Variants in KCNK2 observed in about 807,000 individuals in gnomAD.
The protein encoded by KCNK2 is potassium two pore domain channel subfamily K member 2.
A neutral mutation model predicts 40.5 loss-of-function variants in KCNK2; 21 were observed. The observed-to-expected ratio is 0.52, with a 90% CI of 0.37 to 0.75. KCNK2 has a LOEUF of 0.75. KCNK2 is among the 30% of genes least tolerant of loss of function. The probability of loss-of-function intolerance (pLI) is 0.00; values close to 1 mark genes in which losing one functional copy is unlikely to be tolerated. For missense variants in KCNK2, 399 were observed against 531.6 expected (o/e 0.75, Z 2.45); for synonymous variants, 191 against 202.2 (o/e 0.94, Z 0.47).
At chr1:215,068,568 AAAAC>A (rs1212871782) in intron 1 of KCNK2, among the ~76,000 whole-genome samples, 5 of 152,250 alleles carry the variant, frequency 3.3e-5, no homozygotes, top group Non-Finnish European at 5.9e-5. Flanking sequence ...GGTAGATACA[AAAAC>A]AAACAAACAA....
intron 6 of KCNK2, among the ~76,000 whole-genome samples, chr1:215,226,578 G>A (rs1183715395): frequency 6.6e-6 from 1 of 152,056 alleles, no homozygotes; most frequent in Non-Finnish European, 1.5e-5. Flanking sequence ...ACCCACCTCG[G>A]CCTCCCAAAG....
At chr1:215,131,077 G>A (rs1661653857) in intron 3 of KCNK2, among the ~76,000 whole-genome samples, 1 of 150,698 alleles carries the variant, frequency 6.6e-6, no homozygotes, top group Admixed American at 6.6e-5. Flanking sequence ...AGCCAAGATG[G>A]TCTCGATCTC....
intron 1 of KCNK2, among the ~76,000 whole-genome samples, chr1:215,061,055 T>C (rs1253993195): frequency 1.3e-5 from 2 of 152,174 alleles, no homozygotes; most frequent in Non-Finnish European, 2.9e-5. Context: ...CATATAGATA[T>C]TATGATTTTT....
chr1:215,068,321 T>G (rs1658630316), intron 1 of KCNK2, among the ~76,000 whole-genome samples: 2 of 152,184 alleles, frequency 1.3e-5, no homozygotes, highest in African/African-American at 4.8e-5. Context: ...GCCAGAAATA[T>G]GCAGGTACAG....
chr1:215,184,947 G>C (rs1309310702), intron 5 of KCNK2, among the ~76,000 whole-genome samples: 1 of 152,108 alleles, frequency 6.6e-6, no homozygotes, highest in East Asian at 1.9e-4. Context: ...TGTGACCATT[G>C]TATAAACCAG....
chr1:215,061,908 A>G (rs923073151), intron 1 of KCNK2, among the ~76,000 whole-genome samples: 2 of 152,162 alleles, frequency 1.3e-5, no homozygotes, highest in Non-Finnish European at 2.9e-5. Flanking sequence ...AAGAAGGAAT[A>G]ATTAGTGGAT....
chr1:215,093,388 A>T (rs1659779207), intron 2 of KCNK2, among the ~76,000 whole-genome samples: 1 of 137,390 alleles, frequency 7.3e-6, no homozygotes, highest in African/African-American at 2.7e-5. Context: ...TATACATATA[A>T]TATACCTATA....
In KCNK2 at chr1:215,086,466, G is replaced by A; in HGVS notation, c.145G>A (p.Glu49Lys). Residue 49 changes from glutamate (E) to lysine (K), a missense_variant, in exon 2 of 7, where the codon GAG becomes AAG. Physicochemically the swap from Glu to Lys is moderately conservative, Grantham distance 56 (BLOSUM62 1). This residue lies in a region of KCNK2 where 279 missense variants were observed against 353.8 expected (regional missense o/e 0.79). Coordinates refer to ENST00000444842, the MANE Select transcript of KCNK2 (RefSeq NM_001017425.3). ...ACCCACAGTGCTTGCTTCCCGGGTGGAGAGTGACACGACCATTAATGTTAT... is the reference window on the plus strand; with the variant it reads ...ACCCACAGTGCTTGCTTCCCGGGTGAAGAGTGACACGACCATTAATGTTAT... ...TKPTVLASRV[E>K]SDTTINVMKW... 2 of 1,614,128 alleles carry A rather than the reference G, an allele frequency of 1.2e-6. No individual in the cohort carries two copies. Among genetic ancestry groups the A allele is most frequent in the South Asian group, 1.1e-5 (1 of 91,076 alleles).
At chr1:215,165,376 G>T (rs1400358431) in intron 3 of KCNK2, among the ~76,000 whole-genome samples, 1 of 151,998 alleles carries the variant, frequency 6.6e-6, no homozygotes, top group East Asian at 1.9e-4. Flanking sequence ...ATGCTATTTT[G>T]CCATTGTCCC....
intron 2 of KCNK2, among the ~76,000 whole-genome samples, chr1:215,105,405 T>A (rs142209370): frequency 1.8e-4 from 27 of 152,154 alleles, no homozygotes; most frequent in African/African-American, 6.0e-4. Flanking sequence ...TGTAACAGGG[T>A]TTCCTTCCTA....
chr1:215,039,042 G>C, intron 1 of KCNK2, among the ~76,000 whole-genome samples: 1 of 151,868 alleles, frequency 6.6e-6, no homozygotes, highest in East Asian at 1.9e-4. Flanking sequence ...TGACAATGTC[G>C]GTGAAATGAA....
At chr1:215,174,405 G>A (rs1663859729) in intron 5 of KCNK2, among the ~76,000 whole-genome samples, 1 of 152,192 alleles carries the variant, frequency 6.6e-6, no homozygotes, top group Admixed American at 6.5e-5. Flanking sequence ...CAAGTAGTGT[G>A]ATGCCTCCAG....
At chr1:215,125,425 G>T (rs1312636100) in intron 3 of KCNK2, among the ~76,000 whole-genome samples, 1 of 152,032 alleles carries the variant, frequency 6.6e-6, no homozygotes, top group Non-Finnish European at 1.5e-5. Flanking sequence ...ATCTTCTAAA[G>T]CGGCAGAATG....
At chr1:215,196,693 G>A (rs1379724092) in intron 6 of KCNK2, among the ~76,000 whole-genome samples, 1 of 152,092 alleles carries the variant, frequency 6.6e-6, no homozygotes, top group Non-Finnish European at 1.5e-5. Flanking sequence ...TGAGTGTGGT[G>A]TGTGTGGGGG....
chr1:215,070,613 A>C (rs548196377), intron 1 of KCNK2, among the ~76,000 whole-genome samples: 22 of 152,016 alleles, frequency 1.4e-4, no homozygotes, highest in South Asian at 4.2e-4. Context: ...AGACTTATTC[A>C]CTATCACGAG....
chr1:215,168,087 A>T (rs1663529046), intron 3 of KCNK2, among the ~76,000 whole-genome samples: 1 of 152,234 alleles, frequency 6.6e-6, no homozygotes. Flanking sequence ...GAAGACATTT[A>T]TGTGGCCAAA....
At chr1:215,064,265 T>C (rs1658459593) in intron 1 of KCNK2, among the ~76,000 whole-genome samples, 1 of 152,136 alleles carries the variant, frequency 6.6e-6, no homozygotes, top group Non-Finnish European at 1.5e-5. Context: ...AAGTGTGCAA[T>C]TTTTCATTTT....
rs549958570 is a variant in KCNK2 at position 215,162,895 on chromosome 1, C to T, written c.476-6304C>T. On this transcript the variant is annotated intron_variant, in intron 3 of 6. Transcript: ENST00000444842. ...GTTTGTTTTTTTTTTTTATTAGGAT[C>T]GTCTTGGCTATATGGGCTTCTTTTT... Among the ~76,000 whole-genome samples the T allele has an allele frequency of 3.4e-5, 5 of 148,650 alleles. No individual in the cohort carries two copies. In the South Asian group the frequency reaches 8.4e-4, roughly 25 times the overall value.
chr1:215,019,508 T>A (rs1158667563), intron 1 of KCNK2, among the ~76,000 whole-genome samples: 1 of 152,240 alleles, frequency 6.6e-6, no homozygotes, highest in Non-Finnish European at 1.5e-5. Flanking sequence ...AGTTGCCGCA[T>A]CTGTTCCGAC....
Sources: gnomAD v4.1 joint callset for allele counts (sites outside exome capture counted in the v4.1 genomes callset) on GRCh38, gnomAD v4.1.1 for gene constraint, gnomAD v4.1.1 regional missense constraint, MANE v1.5 for transcripts, NCBI Gene and HGNC (gene_info 2026-07-23, HGNC 2026-07-21) for gene names.